The following AKAP8 variants were observed in gnomAD, a reference collection of about 807,000 sequenced individuals.
AKAP8 encodes A-kinase anchoring protein 8.
AKAP8 carries 24 observed loss-of-function variants against 67.5 expected under a neutral mutation model. The observed-to-expected ratio is 0.36, with a 90% confidence interval of 0.26 to 0.50. The LOEUF is 0.50. Ranked by LOEUF, AKAP8 falls within the 20% of genes least tolerant of loss-of-function variation. The probability of loss-of-function intolerance (pLI) is 0.97; values close to 1 mark genes in which losing one functional copy is unlikely to be tolerated. For synonymous variants in AKAP8, 400 were observed against 371.1 expected (o/e 1.08, Z -0.90); for missense variants, 971 against 955.9 (o/e 1.02, Z -0.21).
At chr19:15,372,373 A>G in intron 5 of AKAP8, 26 bp from the exon 6 acceptor site, 1 of 1,611,858 alleles carries the variant, frequency 6.2e-7, no homozygotes, top group Non-Finnish European at 8.5e-7. Flanking sequence ...ACACCCCATG[A>G]GCTACTTACG....
intron 1 of AKAP8, 27 bp from the exon 2 acceptor site, chr19:15,377,041 T>C (rs1967265121): frequency 6.2e-7 from 1 of 1,610,596 alleles, no homozygotes; most frequent in South Asian, 1.1e-5. Context: ...TGAGTTAAAA[T>C]TCTATTTGTC....
chr19:15,363,015 G>C (rs558338353), intron 9 of AKAP8, among the ~76,000 whole-genome samples: 42 of 150,794 alleles, frequency 2.8e-4, no homozygotes, highest in African/African-American at 1.0e-3. Context: ...CTGCCGCCCC[G>C]TCCGGGATGT....
In AKAP8 at chr19:15,354,126, G is replaced by A. The variant is rs1331346083; in HGVS notation, c.*789C>T. On this transcript the variant is annotated 3_prime_UTR_variant, in exon 14 of 14. Transcript: ENST00000269701. ...GGCCTCCCGAAGTGCTGGGATTATAGGTATGCATCACCGTGCCTGGCCAAA... is the reference window on the plus strand; with the variant it reads ...GGCCTCCCGAAGTGCTGGGATTATAAGTATGCATCACCGTGCCTGGCCAAA... 1 of 151,754 alleles carries A rather than the reference G, an allele frequency of 6.6e-6. No homozygotes were observed. Among genetic ancestry groups the A allele is most frequent in the African/African-American group, 2.4e-5 (1 of 41,302 alleles). 9.4% of individuals were successfully genotyped at this position (151,754 alleles called of 1,614,324 possible).
In AKAP8 at chr19:15,372,281, G is replaced by C. The variant is rs141922967; in HGVS notation, c.928C>G (p.Leu310Val). 6.2e-7 allele frequency: 1 copy of C among 1,614,072 alleles called. No homozygotes were observed. Among genetic ancestry groups the C allele is most frequent in the African/African-American group, 1.3e-5 (1 of 74,910 alleles). ...GTGRKRKQFQ[L>V]YEEPDTKLAR... Reference sequence around the variant, plus strand: ...AGTTTGGTGTCTGGCTCCTCGTAAAGTTGGAACTGCTTCCGTTTCCTGCCC... The same window carrying C: ...AGTTTGGTGTCTGGCTCCTCGTAAACTTGGAACTGCTTCCGTTTCCTGCCC... Residue 310 changes from leucine to valine, a missense_variant, in exon 6 of 14, where the codon CTT becomes GTT. By Grantham distance (32) the Leu-to-Val change is conservative (BLOSUM62 1). Coordinates refer to ENST00000269701, the MANE Select transcript of AKAP8 (RefSeq NM_005858.4).
chr19:15,366,690 A>G (rs184827698), intron 9 of AKAP8, among the ~76,000 whole-genome samples: 92 of 151,922 alleles, frequency 6.1e-4, no homozygotes, highest in Non-Finnish European at 1.0e-3. Flanking sequence ...GCTCACTGCA[A>G]CCTCCACCTC....
At position 15,361,015 on chromosome 19, in the gene AKAP8, G is replaced by A. The variant is rs768374397; in HGVS notation, c.1397-37C>T. ...CGCATGTCTTGTAGGATCTGGGACA[G>A]CAAGTGATGCTTTCCTCCTACTCCC... On this transcript the variant is annotated intron_variant, in intron 11 of 13. Coordinates refer to ENST00000269701, the MANE Select transcript of AKAP8 (RefSeq NM_005858.4). The A allele has an allele frequency of 1.9e-6, 3 of 1,599,036 alleles. No individual in the cohort carries two copies. The Admixed American group carries it at 5.1e-5, about 27-fold the overall frequency.
At chr19:15,361,892 G>A (rs570289045) in intron 10 of AKAP8, 70 bp from the exon 11 acceptor site, 7 of 1,471,564 alleles carry the variant, frequency 4.8e-6, no homozygotes, top group African/African-American at 1.4e-5. Flanking sequence ...TCAACTGCCA[G>A]GGCTAGGCAG....
chr19:15,363,472 G>A (rs1476758051), intron 9 of AKAP8, among the ~76,000 whole-genome samples: 3 of 146,546 alleles, frequency 2.0e-5, no homozygotes, highest in Admixed American at 6.7e-5. Context: ...CGCCCCGTCC[G>A]GGAGGGAGGT....
Position 15,373,767 on chromosome 19 carries a change from G to A in AKAP8, c.371+19C>T. The A allele has an allele frequency of 1.3e-6, 2 of 1,597,650 alleles. No homozygotes were observed. The highest frequency in any genetic ancestry group is 2.2e-5 in the East Asian group (1 of 44,756). On this transcript the variant is annotated intron_variant, in intron 4 of 13. Transcript: ENST00000269701. ...GGGGATGTGTGGGGTCCCGGGGGAGGGCTTGGGTCCATAATCACCTCTCCC... is the reference window on the plus strand; with the variant it reads ...GGGGATGTGTGGGGTCCCGGGGGAGAGCTTGGGTCCATAATCACCTCTCCC...
chr19:15,372,391 T>G lies in AKAP8; in HGVS notation c.862-44A>C, dbSNP rs370035244. The G allele has an allele frequency of 4.6e-5, 73 of 1,601,818 alleles. No homozygotes were observed. In the African/African-American group the frequency reaches 8.7e-4, roughly 19 times the overall value. ...CCCCATGAGCTACTTACGAGGGCCA[T>G]GAAGATGCCCCACAGAAAAGAACAA... On this transcript the variant is annotated intron_variant, in intron 5 of 13. Transcript: ENST00000269701.
At position 15,358,096 on chromosome 19, in the gene AKAP8, T is replaced by A. The variant is rs970012708; in HGVS notation, c.1623+871A>T. On this transcript the variant is annotated intron_variant, in intron 13 of 13. Transcript: ENST00000269701. ...GGGCAAAGGTCCTGAAGTCAGGTTG[T>A]GGGCTGGGACTTAGCCACCTGCCCC... Among the ~76,000 whole-genome samples the A allele has an allele frequency of 4.6e-5, 7 of 152,208 alleles. No homozygotes were observed. The South Asian group carries it at 1.4e-3, about 31-fold the overall frequency.
Position 15,362,090 on chromosome 19 carries a change from G to C in AKAP8, c.1302+20C>G, listed in dbSNP as rs373798694. 6.2e-7 allele frequency: 1 copy of C among 1,612,668 alleles called. No homozygotes were observed. The highest frequency in any genetic ancestry group is 8.5e-7 in the Non-Finnish European group (1 of 1,179,414). On this transcript the variant is annotated intron_variant, in intron 10 of 13. Transcript: ENST00000269701. ...CGGGATGGGCAAGAGACGCGGTGACGGGGCCCAGGTTTCCTTTACCTGGAG... is the reference window on the plus strand; with the variant it reads ...CGGGATGGGCAAGAGACGCGGTGACCGGGCCCAGGTTTCCTTTACCTGGAG...
rs1967102798 is a variant in AKAP8, at chr19:15,368,380, C to T, written c.1073-58G>A. ...AGTGGCCTGCAAAGGAGCTGAGCTC[C>T]AGGGCCTGGTCGGGGGGCTGCAGCT... On this transcript the variant is annotated intron_variant, in intron 8 of 13. Coordinates refer to ENST00000269701, the MANE Select transcript of AKAP8 (RefSeq NM_005858.4). 1.9e-6 allele frequency: 3 copies of T among 1,610,218 alleles called. No individual in the cohort carries two copies. The East Asian group carries it at 6.7e-5, about 36-fold the overall frequency.
intron 13 of AKAP8, among the ~76,000 whole-genome samples, chr19:15,356,969 CTTTT>C (rs1274883069): frequency 1.3e-5 from 2 of 151,984 alleles, no homozygotes; most frequent in Admixed American, 6.6e-5. Flanking sequence ...TCTCTCTTTT[CTTTT>C]TTTGAGACGG....
In AKAP8 at chr19:15,370,175, T is replaced by C. The variant is rs747019407; in HGVS notation, c.1043A>G (p.Asp348Gly). Residue 348 changes from aspartate (D) to glycine (G), a missense_variant, in exon 8 of 14, where the codon GAT becomes GGT. Physicochemically the swap from Asp to Gly is moderately conservative, Grantham distance 94. Coordinates refer to ENST00000269701, the MANE Select transcript of AKAP8 (RefSeq NM_005858.4). ...TTGCCTCCCAGAGTCGCAGAGTTCA[T>C]CCTCCTGGAAAAGAGTATACACAAA... ...RSGDEEFKGEDELCDSGRQRG... is the reference protein window; with the variant it reads ...RSGDEEFKGEGELCDSGRQRG... The C allele has an allele frequency of 7.4e-6, 12 of 1,613,940 alleles. No individual in the cohort carries two copies. In the East Asian group the frequency reaches 2.5e-4, roughly 33 times the overall value.
rs1278559203 is a variant in AKAP8, at chr19:15,372,353, G to A, written c.862-6C>T. ...TCAAACCCTCTCCTCTTGGGCTACAGACAACAAGCACACCCCATGAGCTAC... is the reference window on the plus strand; with the variant it reads ...TCAAACCCTCTCCTCTTGGGCTACAAACAACAAGCACACCCCATGAGCTAC... On this transcript the variant is annotated splice_polypyrimidine_tract_variant and splice_region_variant and intron_variant, in intron 5 of 13. Coordinates refer to ENST00000269701, the MANE Select transcript of AKAP8 (RefSeq NM_005858.4). 2.5e-6 allele frequency: 4 copies of A among 1,613,974 alleles called. No individual in the cohort carries two copies. Among genetic ancestry groups the A allele is most frequent in the African/African-American group, 1.3e-5 (1 of 74,912 alleles).
chr19:15,357,289 CATG>C (rs1483129457), intron 13 of AKAP8, among the ~76,000 whole-genome samples: 9 of 151,198 alleles, frequency 6.0e-5, no homozygotes, highest in Non-Finnish European at 2.9e-5. Flanking sequence ...ATTAGCCAGG[CATG>C]GTGGTGGGCG....
chr19:15,378,722 G>C (rs1967304850), intron 1 of AKAP8, among the ~76,000 whole-genome samples: 1 of 152,176 alleles, frequency 6.6e-6, no homozygotes, highest in Admixed American at 6.5e-5. Flanking sequence ...GCCAGGATCA[G>C]ACCACTAGCT....
In AKAP8 at chr19:15,355,076, G is replaced by A. The variant is rs1679980329; in HGVS notation, c.1918C>T (p.Pro640Ser). Residue 640 changes from proline to serine, a missense_variant, in exon 14 of 14, where the codon CCC (proline) becomes TCC (serine). Physicochemically the swap from Pro to Ser is moderately conservative, Grantham distance 74. Transcript: ENST00000269701. ...TCTGCAGCCTCACTTCTGGCCTTGG[G>A]GACGCCCTTCTCATGTGCCGTTCCA... is the stretch of plus-strand genomic sequence containing the variant. ...PCGTAHEKGV[P>S]KARSEAAEAG... 1.2e-6 allele frequency: 2 copies of A among 1,613,920 alleles called. No homozygotes were observed. The highest frequency in any genetic ancestry group is 1.7e-6 in the Non-Finnish European group (2 of 1,180,026).
Sources: allele counts gnomAD v4.1 joint callset (sites outside exome capture counted in the v4.1 genomes callset), GRCh38; gene constraint gnomAD v4.1.1; transcripts MANE v1.5; gene names NCBI Gene and HGNC (gene_info 2026-07-23, HGNC 2026-07-21).